Variants in SLAIN1 observed in about 807,000 individuals in gnomAD.
SLAIN1 encodes SLAIN motif-containing protein 1.
In SLAIN1, 17 loss-of-function variants were observed where a neutral mutation model predicts 55.4. The observed-to-expected ratio is 0.31, with a 90% CI of 0.21 to 0.46. SLAIN1 has a LOEUF of 0.46. Ranked by LOEUF, SLAIN1 falls within the 20% of genes least tolerant of loss-of-function variation. The pLI, the probability that SLAIN1 is intolerant of heterozygous loss-of-function variation, is 1.00. For missense variants in SLAIN1, 682 were observed against 785.1 expected, an observed-to-expected ratio of 0.87 and a Z score of 1.57; for synonymous variants, 348 against 337.4, an observed-to-expected ratio of 1.03 and a Z score of -0.35.
chr13:77,712,121 T>C (rs564322371), intron 1 of SLAIN1, among the ~76,000 whole-genome samples: 80 of 152,282 alleles, frequency 5.3e-4, no homozygotes, highest in African/African-American at 1.9e-3. Context: ...CATACTGAAT[T>C]GGCAAAAGCT....
At chr13:77,752,107 T>C (rs1874257279) in intron 4 of SLAIN1, among the ~76,000 whole-genome samples, 1 of 152,140 alleles carries the variant, frequency 6.6e-6, no homozygotes, top group Non-Finnish European at 1.5e-5. Context: ...TTGGTCTTTT[T>C]TATCTGCAAA....
At chr13:77,720,102 G>A (rs1472598709) in intron 2 of SLAIN1, among the ~76,000 whole-genome samples, 1 of 151,990 alleles carries the variant, frequency 6.6e-6, no homozygotes. Context: ...AACTGGAAGT[G>A]CTAACCTTTA....
At chr13:77,734,116 G>A (rs150529301) in intron 2 of SLAIN1, among the ~76,000 whole-genome samples, 2 of 152,178 alleles carry the variant, frequency 1.3e-5, no homozygotes, top group East Asian at 1.9e-4. Flanking sequence ...CTCTAAATAC[G>A]TAAAGATATA....
intron 1 of SLAIN1, among the ~76,000 whole-genome samples, chr13:77,706,241 C>T (rs558208948): frequency 9.9e-5 from 15 of 152,106 alleles, no homozygotes; most frequent in Non-Finnish European, 1.8e-4. Flanking sequence ...ATCTCTTTTC[C>T]CTTCTCATAA....
chr13:77,736,675 T>C (rs1174751488), intron 2 of SLAIN1, among the ~76,000 whole-genome samples: 4 of 152,162 alleles, frequency 2.6e-5, no homozygotes, highest in East Asian at 1.9e-4. Context: ...TCTGCTCTCA[T>C]CAGTGGCCTG....
At position 77,698,997 on chromosome 13, in the gene SLAIN1, T is replaced by G; in HGVS notation, c.626+458T>G. On this transcript the variant is annotated intron_variant, in intron 1 of 6. Coordinates refer to ENST00000418532, the MANE Select transcript of SLAIN1 (RefSeq NM_001242868.2). This position sits in a 1 kb window ranked among gnomAD's most constrained non-coding sequence, Gnocchi z 4.1. ...AAACGAACGCTGGACAGGATTTGCGTGCTCTTCCTCCTCGGGTGGCATCGG... is the reference window on the plus strand; with the variant it reads ...AAACGAACGCTGGACAGGATTTGCGGGCTCTTCCTCCTCGGGTGGCATCGG... 1 of 1,534,964 alleles carries G rather than the reference T, an allele frequency of 6.5e-7. No homozygotes were observed. The highest frequency in any genetic ancestry group is 8.7e-7 in the Non-Finnish European group (1 of 1,146,800).
At chr13:77,718,709 C>T (rs1297407643) in intron 1 of SLAIN1, among the ~76,000 whole-genome samples, 1 of 152,062 alleles carries the variant, frequency 6.6e-6, no homozygotes, top group Non-Finnish European at 1.5e-5. Flanking sequence ...CGTATTAGAG[C>T]CAGCAGTTTT....
chr13:77,715,326 G>C (rs1038445252), intron 1 of SLAIN1, among the ~76,000 whole-genome samples: 1 of 152,130 alleles, frequency 6.6e-6, no homozygotes, highest in Admixed American at 6.5e-5. Flanking sequence ...ACCATGGCTT[G>C]TTTATCCACT....
chr13:77,731,824 A>C (rs945177913), intron 2 of SLAIN1, among the ~76,000 whole-genome samples: 8 of 152,146 alleles, frequency 5.3e-5, no homozygotes, highest in Non-Finnish European at 1.2e-4. Flanking sequence ...GGGAAATCAG[A>C]TACCAACAAG....
intron 1 of SLAIN1, among the ~76,000 whole-genome samples, chr13:77,707,521 G>A (rs1344187957): frequency 1.3e-5 from 2 of 151,846 alleles, no homozygotes; most frequent in Non-Finnish European, 2.9e-5. Context: ...CACATATTTG[G>A]TGTCACTGGT....
intron 5 of SLAIN1, among the ~76,000 whole-genome samples, chr13:77,755,466 G>A (rs1483385047): frequency 1.3e-5 from 2 of 152,186 alleles, no homozygotes; most frequent in Non-Finnish European, 2.9e-5. Flanking sequence ...CCAGAAAAAT[G>A]TATGTAGCCC....
intron 1 of SLAIN1, among the ~76,000 whole-genome samples, chr13:77,710,151 T>A (rs1219182133): frequency 2.0e-5 from 3 of 152,168 alleles, no homozygotes; most frequent in Non-Finnish European, 2.9e-5. Context: ...CCAGTGATAC[T>A]ATGAAGAAAC....
intron 2 of SLAIN1, among the ~76,000 whole-genome samples, chr13:77,738,963 G>T (rs1267116487): frequency 6.6e-6 from 1 of 152,102 alleles, no homozygotes; most frequent in Non-Finnish European, 1.5e-5. Context: ...ACCGGTTAGT[G>T]TGCTTGGCAT....
At chr13:77,759,384 C>T (rs1874839013) in intron 5 of SLAIN1, among the ~76,000 whole-genome samples, 1 of 152,052 alleles carries the variant, frequency 6.6e-6, no homozygotes, top group African/African-American at 2.4e-5. Context: ...TAAACAGTGA[C>T]AGTTTGACAT....
intron 4 of SLAIN1, among the ~76,000 whole-genome samples, chr13:77,747,252 AG>A (rs142466125): frequency 0.034 from 5,227 of 152,128 alleles, 126 homozygotes; most frequent in Non-Finnish European, 0.055. Context: ...TGGTTTTAAG[AG>A]AAATATAGAT....
chr13:77,719,232 T>C (rs1156238550), intron 1 of SLAIN1, among the ~76,000 whole-genome samples: 1 of 149,588 alleles, frequency 6.7e-6, no homozygotes, highest in East Asian at 2.0e-4. Context: ...AAGATCATGA[T>C]AGTGCCTTTT....
At chr13:77,731,706 A>G (rs1210207274) in intron 2 of SLAIN1, among the ~76,000 whole-genome samples, 3 of 152,154 alleles carry the variant, frequency 2.0e-5, no homozygotes, top group Admixed American at 1.3e-4. Flanking sequence ...AATCACAGCT[A>G]TAAAACAGAA....
chr13:77,725,408 G>A (rs2091298648), intron 2 of SLAIN1, among the ~76,000 whole-genome samples: 1 of 152,126 alleles, frequency 6.6e-6, no homozygotes, highest in East Asian at 1.9e-4. Flanking sequence ...GGTAAACAAA[G>A]GGTAAAGCTA....
intron 2 of SLAIN1, among the ~76,000 whole-genome samples, chr13:77,737,966 T>C: frequency 6.6e-6 from 1 of 152,014 alleles, no homozygotes; most frequent in East Asian, 1.9e-4. Context: ...AATAGAGAAA[T>C]GAATTTTTAA....
Sources: allele counts gnomAD v4.1 joint callset (sites outside exome capture counted in the v4.1 genomes callset), GRCh38; gene constraint gnomAD v4.1.1; non-coding constraint Gnocchi (gnomAD v3.1); transcripts MANE v1.5; gene names NCBI Gene and HGNC (gene_info 2026-07-23, HGNC 2026-07-21).